Variants in DNAH8 observed in about 807,000 individuals in gnomAD.
DNAH8 encodes the protein dynein axonemal heavy chain 8, also known as axonemal beta dynein heavy chain 8.
Under a neutral mutation model 562.1 loss-of-function variants are expected in DNAH8, and 382 were observed. The ratio of observed to expected loss-of-function variants is 0.68; its 90% CI spans 0.63 to 0.74. DNAH8 has a LOEUF of 0.74. DNAH8 is among the 30% of genes least tolerant of loss of function. The probability of loss-of-function intolerance (pLI) is 0.00; values close to 1 mark genes in which losing one functional copy is unlikely to be tolerated. For missense variants in DNAH8, 5,203 were observed against 5,620.4 expected (o/e 0.93, Z 2.37); for synonymous variants, 1,881 against 1,919.4 (o/e 0.98, Z 0.52).
At chr6:38,916,029 G>T (rs190664878) in intron 68 of DNAH8, among the ~76,000 whole-genome samples, 84 of 152,204 alleles carry the variant, frequency 5.5e-4, no homozygotes, top group Admixed American at 4.8e-3. Context: ...TTTCTATGGG[G>T]ATTATAATTT....
At chr6:38,793,278 C>T (rs1251291860) in intron 21 of DNAH8, among the ~76,000 whole-genome samples, 5 of 152,156 alleles carry the variant, frequency 3.3e-5, no homozygotes, top group African/African-American at 9.7e-5. Flanking sequence ...CTCATCCTCC[C>T]AAAGTGCTGG....
Position 38,890,647 on chromosome 6 carries a change from T to G in DNAH8, c.8474-5T>G. ...CTTATACCTTCAATCTTGCTTATCT[T>G]TCAGGAATTATTGGATGTGGATACT... On this transcript the variant is annotated splice_region_variant and splice_polypyrimidine_tract_variant and intron_variant, in intron 57 of 92. Coordinates refer to ENST00000327475, the MANE Select transcript of DNAH8 (RefSeq NM_001206927.2). The G allele has an allele frequency of 6.3e-7, 1 of 1,593,868 alleles. No individual in the cohort carries two copies.
chr6:38,990,388 G>A (rs547104045), intron 88 of DNAH8, among the ~76,000 whole-genome samples: 15 of 152,144 alleles, frequency 9.9e-5, no homozygotes, highest in Admixed American at 4.6e-4. Flanking sequence ...TTATGACAAC[G>A]TTAAGCTCTA....
At chr6:39,023,835 A>G (rs1436081457) in intron 91 of DNAH8, among the ~76,000 whole-genome samples, 3 of 152,212 alleles carry the variant, frequency 2.0e-5, no homozygotes, top group Admixed American at 6.5e-5. Context: ...AACGTTTCCT[A>G]TCTCCACTCT....
chr6:38,833,968 A>G (rs1191682730), intron 31 of DNAH8, among the ~76,000 whole-genome samples: 1 of 152,142 alleles, frequency 6.6e-6, no homozygotes, highest in Non-Finnish European at 1.5e-5. Flanking sequence ...CTATAAATTC[A>G]TTTATTCCTT....
At chr6:38,823,792 C>T in intron 28 of DNAH8, 104 bp downstream of exon 28, 1 of 560,018 alleles carries the variant, frequency 1.8e-6, no homozygotes, top group Non-Finnish European at 3.0e-6. Context: ...TAGTATTATA[C>T]CAAGATATAA....
chr6:38,885,688 A>C (rs1181762170), intron 56 of DNAH8, among the ~76,000 whole-genome samples: 1 of 152,144 alleles, frequency 6.6e-6, no homozygotes, highest in African/African-American at 2.4e-5. Flanking sequence ...CTGCATTTGC[A>C]GTTTCCTCTG....
chr6:38,781,572 A>C (rs1174811887), intron 16 of DNAH8, among the ~76,000 whole-genome samples, 199 bp downstream of exon 16: 3 of 152,230 alleles, frequency 2.0e-5, no homozygotes, highest in Non-Finnish European at 4.4e-5. Flanking sequence ...AGCCAGTCTA[A>C]TTACAGTTAT....
chr6:38,945,725 G>C (rs994936780), intron 80 of DNAH8, 137 bp downstream of exon 80: 12 of 1,155,768 alleles, frequency 1.0e-5, no homozygotes, highest in Non-Finnish European at 1.4e-5. Context: ...AGGCTCTGTG[G>C]CTGTCTGGGA....
intron 87 of DNAH8, 121 bp from the exon 88 acceptor site, chr6:38,989,891 T>G (rs1583519682): frequency 1.6e-6 from 1 of 607,936 alleles, no homozygotes; most frequent in East Asian, 2.7e-5. Context: ...GTTAAAGCAT[T>G]CTCAAAATCA....
intron 86 of DNAH8, 48 bp from the exon 87 acceptor site, chr6:38,984,157 TG>T (rs1253210429): frequency 9.2e-7 from 1 of 1,091,980 alleles, no homozygotes; most frequent in African/African-American, 1.6e-5. Flanking sequence ...ATGTTTATAA[TG>T]ATGTGTTTGG....
chr6:38,907,454 A>G (rs2150522739), intron 63 of DNAH8, among the ~76,000 whole-genome samples: 1 of 152,346 alleles, frequency 6.6e-6, no homozygotes, highest in African/African-American at 2.4e-5. Flanking sequence ...TTGGCACTGC[A>G]AAACAACCTT....
In DNAH8 at chr6:38,735,843, T is replaced by TA. The variant is rs141565262; in HGVS notation, c.762+1219dup. On this transcript the variant is annotated intron_variant, in intron 5 of 92. Coordinates refer to ENST00000327475, the MANE Select transcript of DNAH8 (RefSeq NM_001206927.2). ...GCTCAGACTGCTCCTTTTGTCAGTTTAGACATTATCTGTGGCCAGTCGCAG... is the reference window on the plus strand; with the variant it reads ...GCTCAGACTGCTCCTTTTGTCAGTTTAAGACATTATCTGTGGCCAGTCGCAG... Among the ~76,000 whole-genome samples the TA allele has an allele frequency of 3.8e-3, 580 of 152,294 alleles. 4 individuals are homozygous for TA. The highest frequency in any genetic ancestry group is 0.013 in the African/African-American group (557 of 41,558).
intron 26 of DNAH8, 82 bp from the exon 27 acceptor site, chr6:38,822,756 A>C: frequency 1.8e-6 from 2 of 1,093,962 alleles, no homozygotes; most frequent in Non-Finnish European, 2.5e-6. Context: ...TACAGTTTGA[A>C]AAAGAATCAC....
At chr6:38,885,562 T>C (rs1309380246) in intron 56 of DNAH8, among the ~76,000 whole-genome samples, 1 of 152,142 alleles carries the variant, frequency 6.6e-6, no homozygotes, top group African/African-American at 2.4e-5. Context: ...CCAAAATCCT[T>C]ACCATGATCC....
At chr6:38,935,026 C>T (rs1782838118) in intron 76 of DNAH8, among the ~76,000 whole-genome samples, 2 of 152,140 alleles carry the variant, frequency 1.3e-5, no homozygotes, top group South Asian at 4.2e-4. Context: ...AAGAAAAAAA[C>T]TCCTGTAAAC....
intron 75 of DNAH8, 58 bp downstream of exon 75, chr6:38,929,724 GAAAA>G: frequency 2.1e-6 from 3 of 1,396,254 alleles, no homozygotes; most frequent in Non-Finnish European, 2.8e-6. Flanking sequence ...AAGAAAAAAA[GAAAA>G]AAATTAAGAA....
intron 30 of DNAH8, among the ~76,000 whole-genome samples, chr6:38,829,566 C>A (rs1773657295): frequency 6.6e-6 from 1 of 152,160 alleles, no homozygotes; most frequent in Non-Finnish European, 1.5e-5. Flanking sequence ...AATCCAGTTG[C>A]ATTGACATTG....
chr6:38,722,988 A>C lies in DNAH8; in HGVS notation c.179A>C (p.Asp60Ala). Residue 60 changes from aspartate to alanine, a missense_variant, in exon 2 of 93, where the codon GAT (aspartate) becomes GCT (alanine). Transcript: ENST00000327475. ...SAEDAVSSVV[D>A]YRDLIPSEEG... is the part of the protein sequence containing the mutation. ...GAAGATGCTGTTTCTTCTGTGGTGG[A>C]TTATCGGGATCTCATTCCTTCTGAA... The C allele has an allele frequency of 1.2e-6, 2 of 1,612,854 alleles. No individual in the cohort carries two copies. The highest frequency in any genetic ancestry group is 1.7e-6 in the Non-Finnish European group (2 of 1,179,892).
Sources: gnomAD v4.1 joint callset for allele counts (sites outside exome capture counted in the v4.1 genomes callset) on GRCh38, gnomAD v4.1.1 for gene constraint, MANE v1.5 for transcripts, NCBI Gene and HGNC (gene_info 2026-07-23, HGNC 2026-07-21) for gene names.